PELI1: variants seen among roughly 807,000 people sequenced by gnomAD.
The protein encoded by PELI1 is pellino E3 ubiquitin protein ligase 1.
PELI1 carries 15 observed loss-of-function variants against 41.3 expected under a neutral mutation model. That is an observed-to-expected ratio of 0.36 (90% confidence interval 0.24 to 0.56). The LOEUF (loss-of-function observed/expected upper bound fraction) is 0.56, where lower values mean the gene tolerates loss of function less well. Among genes scored for constraint, PELI1 ranks in the 20% least tolerant of loss-of-function variants. The pLI is 0.82. For synonymous variants in PELI1, 178 were observed against 180.1 expected (o/e 0.99, Z 0.09); for missense variants, 403 against 525.5 (o/e 0.77, Z 2.28).
chr2:64,097,583 T>C (rs942071622), intron 4 of PELI1, among the ~76,000 whole-genome samples: 1 of 152,108 alleles, frequency 6.6e-6, no homozygotes. Flanking sequence ...AATGGGGAGA[T>C]GACAAAAGTG....
rs935984665 is a variant in PELI1, at chr2:64,140,282, T to C, written c.-70+3799A>G. 2.0e-5 allele frequency among the ~76,000 whole-genome samples: 3 copies of C among 152,332 alleles called. No individual in the cohort carries two copies. The South Asian group carries it at 6.2e-4, about 32-fold the overall frequency. On this transcript the variant is annotated intron_variant, in intron 1 of 6. Transcript: ENST00000358912. The stretch of plus-strand genomic sequence containing the variant: ...AGATTAACTGGAGGATGAAGACAGA[T>C]GTCAGGATTTTCCCATTTATAGGCA...
At chr2:64,125,093 G>A (rs1383881013) in intron 1 of PELI1, among the ~76,000 whole-genome samples, 1 of 151,620 alleles carries the variant, frequency 6.6e-6, no homozygotes, top group African/African-American at 2.4e-5. Flanking sequence ...GGGTGGGGGC[G>A]GGGGCGCGGG....
Position 64,095,221 on chromosome 2 carries a change from G to A in PELI1, c.738C>T (p.Leu246=), listed in dbSNP as rs1213889657. Reference sequence around the variant, plus strand: ...TACGCCATAACAATGTTGCACCACAGAGGTCAATTAACGAGCCATCTTGTA... The same window carrying A: ...TACGCCATAACAATGTTGCACCACAAAGGTCAATTAACGAGCCATCTTGTA... ...NQLQDGSLID[L]CGATLLWRTA... is the part of the protein sequence containing the mutation. Residue 246 remains leucine, a synonymous_variant, in exon 7 of 7, where the codon CTC becomes CTT. Transcript: ENST00000358912. The A allele has an allele frequency of 1.2e-6, 2 of 1,614,104 alleles. No homozygotes were observed. Among genetic ancestry groups the A allele is most frequent in the East Asian group, 2.2e-5 (1 of 44,890 alleles).
intron 1 of PELI1, among the ~76,000 whole-genome samples, chr2:64,128,996 T>A (rs1439926099): frequency 6.6e-6 from 1 of 152,192 alleles, no homozygotes; most frequent in Non-Finnish European, 1.5e-5. Context: ...ATTTGGTCTA[T>A]CACCATCACA....
chr2:64,131,226 A>G (rs1681543467), intron 1 of PELI1, among the ~76,000 whole-genome samples: 1 of 149,632 alleles, frequency 6.7e-6, no homozygotes, highest in Admixed American at 6.6e-5. Flanking sequence ...TATTATATTA[A>G]ATTTGTTAAA....
chr2:64,094,062 C>T lies in PELI1; in HGVS notation c.*640G>A, dbSNP rs375160602. Reference sequence around the variant, plus strand: ...TTGTTAAAAACAAACACCTTTCACGCGGGTAATTAGTATGAATTTGGTCTT... The same window carrying T: ...TTGTTAAAAACAAACACCTTTCACGTGGGTAATTAGTATGAATTTGGTCTT... On this transcript the variant is annotated 3_prime_UTR_variant, in exon 7 of 7. Coordinates refer to ENST00000358912, the MANE Select transcript of PELI1 (RefSeq NM_020651.4). The T allele has an allele frequency of 2.5e-4, 38 of 152,674 alleles. No individual in the cohort carries two copies. The highest frequency in any genetic ancestry group is 8.2e-4 in the African/African-American group (34 of 41,538). 9.5% of individuals were successfully genotyped at this position (152,674 alleles called of 1,614,324 possible). A position where few individuals can be genotyped will look rare whatever the true frequency, so the allele number is the denominator to read the frequency against.
intron 3 of PELI1, 187 bp downstream of exon 3, chr2:64,104,514 A>G (rs139728926): frequency 8.1e-6 from 7 of 861,832 alleles, no homozygotes; most frequent in Non-Finnish European, 7.8e-6. Flanking sequence ...TTTTTTTTTA[A>G]AAGTCCAATT....
chr2:64,129,752 T>G (rs1326726126), intron 1 of PELI1, among the ~76,000 whole-genome samples: 1 of 152,150 alleles, frequency 6.6e-6, no homozygotes, highest in African/African-American at 2.4e-5. Flanking sequence ...AAGACTTACG[T>G]AAACACCAAA....
intron 1 of PELI1, among the ~76,000 whole-genome samples, chr2:64,130,540 T>C (rs1681522210): frequency 6.6e-6 from 1 of 152,224 alleles, no homozygotes; most frequent in South Asian, 2.1e-4. Flanking sequence ...CAGTTTTATA[T>C]TATAGTTACA....
intron 1 of PELI1, among the ~76,000 whole-genome samples, chr2:64,140,758 A>G (rs2103751591): frequency 6.7e-6 from 1 of 148,206 alleles, no homozygotes; most frequent in East Asian, 2.0e-4. Context: ...TTGAAGGAAA[A>G]ATAGAAGTGA....
Position 64,093,527 on chromosome 2 carries a change from T to G in PELI1, c.*1175A>C, listed in dbSNP as rs1041842455. The G allele has an allele frequency of 6.6e-6, 1 of 152,614 alleles. No homozygotes were observed. Among genetic ancestry groups the G allele is most frequent in the Non-Finnish European group, 1.5e-5 (1 of 68,024 alleles). The allele number at this position is 152,614 out of a possible 1,614,324, so 9.5% of individuals were successfully genotyped here. On this transcript the variant is annotated 3_prime_UTR_variant, in exon 7 of 7. Coordinates refer to ENST00000358912, the MANE Select transcript of PELI1 (RefSeq NM_020651.4). ...TTGGAATTAGAGAATAAACAGACCATGCAGTGCGTCACTCCACGCTGCAGT... is the reference window on the plus strand; with the variant it reads ...TTGGAATTAGAGAATAAACAGACCAGGCAGTGCGTCACTCCACGCTGCAGT...
In PELI1 at chr2:64,096,446, T is replaced by A. The variant is rs776660966; in HGVS notation, c.468A>T (p.Ala156=). Residue 156 remains alanine (A), a synonymous_variant, in exon 5 of 7, where the codon GCA becomes GCT. Coordinates refer to ENST00000358912, the MANE Select transcript of PELI1 (RefSeq NM_020651.4). The part of the protein sequence containing the change: ...NPPFTARIYA[A]GFDSSKNIFL... ...AGATGTTTTTTGATGAGTCAAATCC[T>A]GCAGCATAAATCCGTGCTGTAAAGG... 6.2e-6 allele frequency: 10 copies of A among 1,613,428 alleles called. No individual in the cohort carries two copies. The Admixed American group carries it at 1.7e-4, about 27-fold the overall frequency.
At chr2:64,137,855 G>A (rs948129854) in intron 1 of PELI1, among the ~76,000 whole-genome samples, 6 of 151,976 alleles carry the variant, frequency 3.9e-5, no homozygotes, top group Non-Finnish European at 8.8e-5. Context: ...CTCTTAAACT[G>A]GCTTAGACGA....
Position 64,102,835 on chromosome 2 carries a change from CTT to C in PELI1, c.201+1864_201+1865del, listed in dbSNP as rs1221467456. 4.2e-3 allele frequency among the ~76,000 whole-genome samples: 560 copies of C among 133,144 alleles called. 3 individuals are homozygous for C. Among genetic ancestry groups the C allele is most frequent in the Middle Eastern group, 7.7e-3 (2 of 260 alleles). 87.3% of individuals were successfully genotyped at this position (133,144 alleles called of 152,430 possible). A position where few individuals can be genotyped will look rare whatever the true frequency, so the allele number is the denominator to read the frequency against. ...CAAAATTTAAAGAGGAGGAGTCAAT[CTT>C]TTTTTTTTTTTTTTTTTTAAACTGA... On this transcript the variant is annotated intron_variant, in intron 3 of 6. Coordinates refer to ENST00000358912, the MANE Select transcript of PELI1 (RefSeq NM_020651.4).
chr2:64,132,160 T>A (rs138643284), intron 1 of PELI1, among the ~76,000 whole-genome samples: 314 of 152,238 alleles, frequency 2.1e-3, no homozygotes, highest in African/African-American at 7.2e-3. Flanking sequence ...AGCTTCCAAT[T>A]CTTGAGTACC....
chr2:64,127,892 A>G (rs1381772370), intron 1 of PELI1, among the ~76,000 whole-genome samples: 2 of 152,036 alleles, frequency 1.3e-5, no homozygotes, highest in Non-Finnish European at 1.5e-5. Flanking sequence ...TCTCCACCTT[A>G]GTTTATCTAT....
chr2:64,116,002 C>T (rs1054126613), intron 1 of PELI1, among the ~76,000 whole-genome samples: 5 of 152,034 alleles, frequency 3.3e-5, no homozygotes, highest in African/African-American at 9.7e-5. Context: ...ACTTTGTGTG[C>T]TTATTTTAAA....
At chr2:64,125,086 T>C (rs916905401) in intron 1 of PELI1, among the ~76,000 whole-genome samples, 1 of 14,672 alleles carries the variant, frequency 6.8e-5, no homozygotes, top group Admixed American at 7.6e-4. Flanking sequence ...TATGTGGGGG[T>C]GGGGGCGGGG....
chr2:64,119,506 A>T (rs1306713338), intron 1 of PELI1, among the ~76,000 whole-genome samples: 1 of 152,216 alleles, frequency 6.6e-6, no homozygotes, highest in Non-Finnish European at 1.5e-5. Context: ...CTGTCTGTTC[A>T]CAGTTCTTTC....
Sources: allele counts gnomAD v4.1 joint callset (sites outside exome capture counted in the v4.1 genomes callset), GRCh38; gene constraint gnomAD v4.1.1; transcripts MANE v1.5; gene names NCBI Gene and HGNC (gene_info 2026-07-23, HGNC 2026-07-21).